Variants in SCN10A observed in about 807,000 individuals in gnomAD.
SCN10A encodes the protein sodium voltage-gated channel alpha subunit 10.
A neutral mutation model predicts 170.7 loss-of-function variants in SCN10A; 162 were observed. The ratio of observed to expected loss-of-function variants is 0.95; its 90% CI spans 0.84 to 1.08. The LOEUF is 1.08. Among genes scored for constraint, SCN10A ranks in the 50% least tolerant of loss-of-function variants. SCN10A has a pLI of 0.00. For synonymous variants in SCN10A, 985 were observed against 904.6 expected, an observed-to-expected ratio of 1.09 and a Z score of -1.59; for missense variants, 2,527 against 2,436.9, an observed-to-expected ratio of 1.04 and a Z score of -0.78.
chr3:38,763,604 A>G lies in SCN10A; in HGVS notation c.600-8T>C. 6.2e-7 allele frequency: 1 copy of G among 1,610,118 alleles called. No individual in the cohort carries two copies. The highest frequency in any genetic ancestry group is 8.5e-7 in the Non-Finnish European group (1 of 1,176,510). ...ATTGCTGTGCCAACATATCTGTAGGACCAGAAGTTAGTCAGCATCTCTGCA... is the reference window on the plus strand; with the variant it reads ...ATTGCTGTGCCAACATATCTGTAGGGCCAGAAGTTAGTCAGCATCTCTGCA... On this transcript the variant is annotated splice_region_variant and splice_polypyrimidine_tract_variant and intron_variant, in intron 5 of 27. Transcript: ENST00000449082.
Position 38,727,746 on chromosome 3 carries a change from G to A in SCN10A, c.2641-694C>T, listed in dbSNP as rs142773696. On this transcript the variant is annotated intron_variant, in intron 16 of 27. Coordinates refer to ENST00000449082, the MANE Select transcript of SCN10A (RefSeq NM_006514.4). ...TTGATGTCCAGGGCAATAAGAAAGG[G>A]GCTTCTGGAAGACTGCATCCTCCCA... is the stretch of plus-strand genomic sequence containing the variant. Among the ~76,000 whole-genome samples the A allele has an allele frequency of 2.4e-3, 372 of 152,252 alleles. 2 individuals carry two copies. The highest frequency in any genetic ancestry group is 8.4e-3 in the African/African-American group (351 of 41,546).
At chr3:38,707,199 A>G (rs1166290851) in intron 26 of SCN10A, 80 bp downstream of exon 26, 2 of 1,459,208 alleles carry the variant, frequency 1.4e-6, no homozygotes, top group Non-Finnish European at 1.9e-6. Flanking sequence ...GCACTCCCTC[A>G]GGCCCCTGCC....
At chr3:38,731,298 G>A (rs1262463774) in intron 15 of SCN10A, among the ~76,000 whole-genome samples, 1 of 152,160 alleles carries the variant, frequency 6.6e-6, no homozygotes, top group Non-Finnish European at 1.5e-5. Context: ...TAAACAAAGA[G>A]GTTATGGCCA....
chr3:38,778,325 C>T (rs778619776), intron 4 of SCN10A, among the ~76,000 whole-genome samples: 1 of 151,912 alleles, frequency 6.6e-6, no homozygotes, highest in South Asian at 2.1e-4. Flanking sequence ...TTCAATGATT[C>T]TCTGAAACCA....
At chr3:38,710,822 G>C in intron 24 of SCN10A, 22 bp downstream of exon 24, 1 of 1,609,784 alleles carries the variant, frequency 6.2e-7, no homozygotes, top group Non-Finnish European at 8.5e-7. Context: ...GAAGGCTGTA[G>C]GGACAGTGGG....
At chr3:38,806,993 C>T (rs1487948831) in intron 1 of SCN10A, among the ~76,000 whole-genome samples, 1 of 152,070 alleles carries the variant, frequency 6.6e-6, no homozygotes, top group African/African-American at 2.4e-5. Flanking sequence ...TCTCCTATTT[C>T]GAATTTCCCC....
At chr3:38,803,811 C>T (rs1383430573) in intron 1 of SCN10A, among the ~76,000 whole-genome samples, 3 of 151,840 alleles carry the variant, frequency 2.0e-5, no homozygotes, top group Non-Finnish European at 1.5e-5. Context: ...AAAAACAAAA[C>T]CTTTTAAATT....
At chr3:38,781,156 T>C (rs113905052) in intron 4 of SCN10A, among the ~76,000 whole-genome samples, 11 of 152,210 alleles carry the variant, frequency 7.2e-5, no homozygotes, top group African/African-American at 1.4e-4. Flanking sequence ...CTTAATCAGA[T>C]TGTGATGTGC....
At chr3:38,709,700 T>C (rs910149508) in intron 24 of SCN10A, 85 bp from the exon 25 acceptor site, 19 of 1,239,732 alleles carry the variant, frequency 1.5e-5, no homozygotes, top group Non-Finnish European at 2.1e-5. Flanking sequence ...GACATGGACC[T>C]GGGTGCAGGT....
chr3:38,708,671 C>A (rs950538830), intron 25 of SCN10A, among the ~76,000 whole-genome samples: 4 of 152,184 alleles, frequency 2.6e-5, no homozygotes, highest in Non-Finnish European at 5.9e-5. Context: ...GATCTTTGTT[C>A]AGGATTTTGT....
At chr3:38,777,181 A>T (rs9311198) in intron 4 of SCN10A, among the ~76,000 whole-genome samples, 2,168 of 152,162 alleles carry the variant, frequency 0.014, 60 homozygotes, top group African/African-American at 0.048. Flanking sequence ...AAGACAGGAA[A>T]AATAAAAAAG....
Position 38,697,587 on chromosome 3 carries a change from C to T in SCN10A, c.5633G>A (p.Cys1878Tyr). Residue 1878 changes from cysteine (C) to tyrosine (Y), a missense_variant, in exon 28 of 28, where the codon TGT becomes TAT. Physicochemically the swap from Cys to Tyr is radical, Grantham distance 194. Coordinates refer to ENST00000449082, the MANE Select transcript of SCN10A (RefSeq NM_006514.4). Reference protein sequence around the residue: ...HRSMALSNTPCVPRAEEEAAS... With the variant: ...HRSMALSNTPYVPRAEEEAAS... Reference sequence around the variant, plus strand: ...AGCCTCCTCCTCAGCTCTGGGCACACATGGGGTGTTAGAGAGTGCCATGGA... The same window carrying T: ...AGCCTCCTCCTCAGCTCTGGGCACATATGGGGTGTTAGAGAGTGCCATGGA... 1 of 1,614,170 alleles carries T rather than the reference C, an allele frequency of 6.2e-7. No homozygotes were observed.
chr3:38,815,279 G>A (rs1198964087), intron 1 of SCN10A, among the ~76,000 whole-genome samples: 1 of 152,142 alleles, frequency 6.6e-6, no homozygotes, highest in East Asian at 1.9e-4. Flanking sequence ...GGATACCTGG[G>A]CTTGTCTTTT....
At chr3:38,802,230 G>A (rs1396181939) in intron 1 of SCN10A, among the ~76,000 whole-genome samples, 1 of 152,048 alleles carries the variant, frequency 6.6e-6, no homozygotes. Context: ...AACTAATCTG[G>A]CCAGCTTCCC....
rs2063096081 is a variant in SCN10A at position 38,697,044 on chromosome 3, A to G, written c.*305T>C. Reference sequence around the variant, plus strand: ...TCCTGAGAAGTTTGTCTCAGTAAATATAATCTGATTACAACAAAAATAAAA... The same window carrying G: ...TCCTGAGAAGTTTGTCTCAGTAAATGTAATCTGATTACAACAAAAATAAAA... On this transcript the variant is annotated 3_prime_UTR_variant, in exon 28 of 28. Coordinates refer to ENST00000449082, the MANE Select transcript of SCN10A (RefSeq NM_006514.4). The G allele has an allele frequency of 1.1e-5, 4 of 374,582 alleles. No individual in the cohort carries two copies. Among genetic ancestry groups the G allele is most frequent in the Non-Finnish European group, 1.5e-5 (3 of 203,286 alleles). The allele number at this position is 374,582 out of a possible 1,614,324, so 23.2% of individuals were successfully genotyped here. A position where few individuals can be genotyped will look rare whatever the true frequency, so the allele number is the denominator to read the frequency against.
chr3:38,721,982 G>A (rs2063394413), intron 20 of SCN10A, among the ~76,000 whole-genome samples: 1 of 152,202 alleles, frequency 6.6e-6, no homozygotes, highest in South Asian at 2.1e-4. Context: ...CATTTTGAGT[G>A]TCAGTTTCCC....
At chr3:38,699,630 T>G (rs1177652041) in intron 27 of SCN10A, among the ~76,000 whole-genome samples, 1 of 152,210 alleles carries the variant, frequency 6.6e-6, no homozygotes, top group Non-Finnish European at 1.5e-5. Flanking sequence ...AATTTTGGAT[T>G]ATAAAATCTT....
At chr3:38,796,368 C>A in intron 1 of SCN10A, among the ~76,000 whole-genome samples, 1 of 152,142 alleles carries the variant, frequency 6.6e-6, no homozygotes, top group East Asian at 1.9e-4. Flanking sequence ...ACTGCTGGTC[C>A]AATCACTGTC....
intron 16 of SCN10A, 124 bp downstream of exon 16, chr3:38,728,418 G>T: frequency 9.2e-7 from 1 of 1,089,190 alleles, no homozygotes; most frequent in Non-Finnish European, 1.3e-6. Flanking sequence ...TGAAAAGTTT[G>T]AAGACTTTTC....
Sources: allele counts gnomAD v4.1 joint callset (sites outside exome capture counted in the v4.1 genomes callset), GRCh38; gene constraint gnomAD v4.1.1; transcripts MANE v1.5; gene names NCBI Gene and HGNC (gene_info 2026-07-23, HGNC 2026-07-21).